Variants in GLB1 observed in about 807,000 individuals in gnomAD.
GLB1 encodes galactosidase beta 1, also known as beta-galactosidase.
Under a neutral mutation model 74.0 loss-of-function variants are expected in GLB1, and 56 were observed. The observed-to-expected ratio is 0.76, with a 90% CI of 0.61 to 0.94. GLB1 has a LOEUF of 0.94. Among genes scored for constraint, GLB1 ranks in the 40% least tolerant of loss-of-function variants. GLB1 has a pLI of 0.00. For synonymous variants in GLB1, 323 were observed against 323.6 expected (o/e 1.00, Z 0.02); for missense variants, 787 against 845.5 (o/e 0.93, Z 0.86).
intron 6 of GLB1, among the ~76,000 whole-genome samples, chr3:33,054,486 T>C (rs1699136711): frequency 6.6e-6 from 1 of 152,210 alleles, no homozygotes; most frequent in Non-Finnish European, 1.5e-5. Flanking sequence ...CTTGTGGGCT[T>C]ATCTCTTCAC....
chr3:33,031,911 C>T (rs1559391483), intron 10 of GLB1, among the ~76,000 whole-genome samples: 1 of 151,882 alleles, frequency 6.6e-6, no homozygotes, highest in Non-Finnish European at 1.5e-5. Context: ...GATTCTCCTG[C>T]CTCAGCCACC....
chr3:32,997,054 G>A lies in GLB1; in HGVS notation c.2025C>T (p.Asp675=). 2 of 1,614,058 alleles carry A rather than the reference G, an allele frequency of 1.2e-6. No homozygotes were observed. Among genetic ancestry groups the A allele is most frequent in the Non-Finnish European group, 1.7e-6 (2 of 1,180,020 alleles). ...ACACAGGCTTTCATCATCATACATG[G>A]TCCAGCCATGAATCTTTGTTTTTTT... ...PPQKNKDSWL[D]HV Residue 675 remains aspartate (D), a synonymous_variant, in exon 16 of 16, where the codon GAC becomes GAT. Transcript: ENST00000307363.
At chr3:32,964,937 T>C in the GLB1 span, among the ~76,000 whole-genome samples, 1 of 152,186 alleles carries the variant, frequency 6.6e-6, no homozygotes, top group Non-Finnish European at 1.5e-5. Flanking sequence ...GATGGTTTTA[T>C]AAAGGGCAGT....
At chr3:32,971,048 G>C in the GLB1 span, among the ~76,000 whole-genome samples, 1 of 152,192 alleles carries the variant, frequency 6.6e-6, no homozygotes, top group Non-Finnish European at 1.5e-5. Flanking sequence ...AGCAGCAACA[G>C]TCCTAAACAT....
intron 10 of GLB1, among the ~76,000 whole-genome samples, chr3:33,041,635 T>C (rs1166067195): frequency 6.8e-6 from 1 of 146,696 alleles, no homozygotes. Context: ...GCACTCATTC[T>C]GGACAACAGA....
chr3:32,966,630 G>A, the GLB1 span, among the ~76,000 whole-genome samples: 1 of 152,160 alleles, frequency 6.6e-6, no homozygotes, highest in African/African-American at 2.4e-5. Context: ...GAAATGGAAG[G>A]ACATGAGATT....
intron 10 of GLB1, chr3:33,033,940 C>A: frequency 1.8e-6 from 1 of 552,402 alleles, no homozygotes; most frequent in Non-Finnish European, 3.6e-6. Flanking sequence ...ACTATGGCAC[C>A]CGCCTGGCAA....
At chr3:33,096,967 G>A (rs767579497) in intron 1 of GLB1, 44 bp downstream of exon 1, 1 of 1,602,760 alleles carries the variant, frequency 6.2e-7, no homozygotes, top group Admixed American at 1.7e-5. Flanking sequence ...CCGCCAGCCT[G>A]TCCCCTAGCA....
chr3:33,085,315 A>T (rs1700468542), intron 1 of GLB1, among the ~76,000 whole-genome samples: 1 of 151,630 alleles, frequency 6.6e-6, no homozygotes, highest in Non-Finnish European at 1.5e-5. Context: ...AGAAACAAAC[A>T]TAAAATCAAA....
chr3:33,063,193 A>C (rs1162036820), intron 5 of GLB1, among the ~76,000 whole-genome samples: 1 of 152,160 alleles, frequency 6.6e-6, no homozygotes, highest in Non-Finnish European at 1.5e-5. Context: ...AGAATGAAGC[A>C]AAAAAAGCCA....
At chr3:33,045,384 A>G in intron 10 of GLB1, 1 of 985,134 alleles carries the variant, frequency 1.0e-6, no homozygotes, top group Non-Finnish European at 1.2e-6. Flanking sequence ...ACTTTTATAT[A>G]AAGGGAATTT....
At chr3:33,034,491 A>G in intron 10 of GLB1, 1 of 735,448 alleles carries the variant, frequency 1.4e-6, no homozygotes, top group South Asian at 1.5e-5. Context: ...TGGGTTTGAG[A>G]TGTGGCCTGG....
chr3:33,033,624 A>AG (rs1203181244), intron 10 of GLB1, among the ~76,000 whole-genome samples: 1 of 152,066 alleles, frequency 6.6e-6, no homozygotes, highest in East Asian at 1.9e-4. Flanking sequence ...CTCTACTAAA[A>AG]TACAAAATTA....
At position 33,059,288 on chromosome 3, in the gene GLB1, CACAG is replaced by C. The variant is rs1438437402; in HGVS notation, c.553-1023_553-1020del. On this transcript the variant is annotated intron_variant, in intron 5 of 15. Transcript: ENST00000307363. ...ACACACACACACACACACACACACACACAGAGCAAATAAACCAATATACAATATC... is the reference window on the plus strand; with the variant it reads ...ACACACACACACACACACACACACACAGCAAATAAACCAATATACAATATC... 1.9e-3 allele frequency among the ~76,000 whole-genome samples: 238 copies of C among 125,706 alleles called. 3 individuals carry two copies. Among genetic ancestry groups the C allele is most frequent in the African/African-American group, 6.8e-3 (228 of 33,514 alleles). The allele number at this position is 125,706 out of a possible 152,430, so 82.5% of individuals were successfully genotyped here.
At chr3:33,031,232 G>A (rs1009318350) in intron 10 of GLB1, among the ~76,000 whole-genome samples, 1 of 152,118 alleles carries the variant, frequency 6.6e-6, no homozygotes, top group Non-Finnish European at 1.5e-5. Context: ...AAGGAAGGAG[G>A]CAGGTAGAGC....
chr3:33,089,624 A>T (rs542988369), intron 1 of GLB1, among the ~76,000 whole-genome samples: 2 of 152,300 alleles, frequency 1.3e-5, no homozygotes, highest in Non-Finnish European at 2.9e-5. Flanking sequence ...CCTTAAGGTC[A>T]TTATACTAAC....
intron 1 of GLB1, chr3:33,092,697 G>C (rs1289498698): frequency 6.9e-7 from 1 of 1,441,494 alleles, no homozygotes; most frequent in African/African-American, 1.4e-5. Flanking sequence ...GTCACTGTTT[G>C]AGTCAGGCTT....
chr3:33,060,748 G>A (rs1699408079), intron 5 of GLB1, among the ~76,000 whole-genome samples: 1 of 152,218 alleles, frequency 6.6e-6, no homozygotes, highest in African/African-American at 2.4e-5. Context: ...AGGCAGCTTA[G>A]AGTTCTAGTC....
At chr3:33,089,058 G>C (rs559497713) in intron 1 of GLB1, among the ~76,000 whole-genome samples, 2 of 152,158 alleles carry the variant, frequency 1.3e-5, no homozygotes, top group African/African-American at 4.8e-5. Context: ...AGAAAACAGT[G>C]CTGGGAAAAC....
Sources: gnomAD v4.1 joint callset for allele counts (sites outside exome capture counted in the v4.1 genomes callset) on GRCh38, gnomAD v4.1.1 for gene constraint, MANE v1.5 for transcripts, NCBI Gene and HGNC (gene_info 2026-07-23, HGNC 2026-07-21) for gene names.